DNMT1: variants seen among roughly 807,000 people sequenced by gnomAD.
DNMT1 encodes DNA methyltransferase 1.
A neutral mutation model predicts 205.3 loss-of-function variants in DNMT1; 24 were observed. That is an observed-to-expected ratio of 0.12 (90% CI 0.08 to 0.16). DNMT1 has a LOEUF of 0.16. DNMT1 is among the 10% of genes least tolerant of loss of function. DNMT1 has a pLI of 1.00. For missense variants in DNMT1, 1,293 were observed against 2,177.7 expected (o/e 0.59, Z 8.09); for synonymous variants, 817 against 839.8 (o/e 0.97, Z 0.47).
chr19:10,141,882 G>A, intron 30 of DNMT1, 146 bp downstream of exon 30: 3 of 914,976 alleles, frequency 3.3e-6, no homozygotes, highest in Non-Finnish European at 4.9e-6. Context: ...TAAAGCTCCT[G>A]CAGAACAGCT....
intron 1 of DNMT1, among the ~76,000 whole-genome samples, chr19:10,192,083 C>A (rs1442906342): frequency 6.6e-6 from 1 of 151,782 alleles, no homozygotes; most frequent in Admixed American, 6.6e-5. Flanking sequence ...CTCAGCCTCC[C>A]AAAGTGCTGG....
At chr19:10,139,121 G>C (rs2145262106) in intron 34 of DNMT1, among the ~76,000 whole-genome samples, 1 of 152,340 alleles carries the variant, frequency 6.6e-6, no homozygotes, top group South Asian at 2.1e-4. Flanking sequence ...TTGCTGAGCT[G>C]ATACAGAGAG....
chr19:10,156,278 C>A lies in DNMT1; in HGVS notation c.1399+113G>T. 1 of 860,104 alleles carries A rather than the reference C, an allele frequency of 1.2e-6. No individual in the cohort carries two copies. 53.3% of individuals were successfully genotyped at this position (860,104 alleles called of 1,614,324 possible). A position where few individuals can be genotyped will look rare whatever the true frequency, so the allele number is the denominator to read the frequency against. On this transcript the variant is annotated intron_variant, in intron 18 of 40. Coordinates refer to ENST00000359526, the MANE Select transcript of DNMT1 (RefSeq NM_001130823.3). The surrounding 1 kb of genome is among the most constrained non-coding windows in gnomAD (Gnocchi z 4.2). ...TCCAGGCTCGTCTCAAACTCCCGGG[C>A]TCAAGTGATCCTCTGGCCTCAGACC...
chr19:10,168,214 A>T, intron 10 of DNMT1, 116 bp downstream of exon 10: 2 of 1,203,828 alleles, frequency 1.7e-6, no homozygotes, highest in Non-Finnish European at 2.5e-6. Context: ...ACTTGCCCAC[A>T]TAAGAGACAT....
At position 10,177,351 on chromosome 19, in the gene DNMT1, G is replaced by T; in HGVS notation, c.510C>A (p.Ser170Arg). Residue 170 changes from serine to arginine, a missense_variant, in exon 6 of 41, where the codon AGC becomes AGA. This residue lies in a region of DNMT1 where 394 missense variants were observed against 451.6 expected (regional missense o/e 0.87). Coordinates refer to ENST00000359526, the MANE Select transcript of DNMT1 (RefSeq NM_001130823.3). ...TGGTGCTTTTCCTTGTAATCCTGGG[G>T]CTAGGTGAAGGTTCAGCTGTTTAAA... Reference protein sequence around the residue: ...VTGIRAEPSPSPRITRKSTRQ... With the variant: ...VTGIRAEPSPRPRITRKSTRQ... 1 of 1,613,798 alleles carries T rather than the reference G, an allele frequency of 6.2e-7. No individual in the cohort carries two copies.
chr19:10,156,585 C>T lies in DNMT1; in HGVS notation c.1281-76G>A, dbSNP rs576875855. 10 of 1,029,278 alleles carry T rather than the reference C, an allele frequency of 9.7e-6. No homozygotes were observed. Among genetic ancestry groups the T allele is most frequent in the African/African-American group, 9.4e-5 (6 of 63,498 alleles). 63.8% of individuals were successfully genotyped at this position (1,029,278 alleles called of 1,614,324 possible). ...CTTCGTGCAGACTTCAGATCAGGCACGAGGCAATGAGAGAATGTACAAGTC... is the reference window on the plus strand; with the variant it reads ...CTTCGTGCAGACTTCAGATCAGGCATGAGGCAATGAGAGAATGTACAAGTC... On this transcript the variant is annotated intron_variant, in intron 17 of 40. Transcript: ENST00000359526. The surrounding 1 kb of genome is among the most constrained non-coding windows in gnomAD (Gnocchi z 4.2).
Position 10,154,908 on chromosome 19 carries a change from G to T in DNMT1, c.1641C>A (p.Ile547=), listed in dbSNP as rs1239751171. 6.2e-7 allele frequency: 1 copy of T among 1,614,142 alleles called. No individual in the cohort carries two copies. Among genetic ancestry groups the T allele is most frequent in the Non-Finnish European group, 8.5e-7 (1 of 1,180,036 alleles). ...DSTYEDLINK[I]ETTVPPSGLN... ...CTGAGGACCCTCGATCTCTTACCTC[G>T]ATCTTGTTGATCAGGTCCTCATAGG... Residue 547 remains isoleucine, a synonymous_variant, in exon 20 of 41, where the codon ATC becomes ATA. Coordinates refer to ENST00000359526, the MANE Select transcript of DNMT1 (RefSeq NM_001130823.3). This position sits in a 1 kb window ranked among gnomAD's most constrained non-coding sequence, Gnocchi z 6.3.
chr19:10,177,008 T>C (rs974418748), intron 6 of DNMT1, among the ~76,000 whole-genome samples: 2 of 152,132 alleles, frequency 1.3e-5, no homozygotes, highest in Non-Finnish European at 2.9e-5. Flanking sequence ...TATGGGGGTA[T>C]AGATGAAACA....
intron 34 of DNMT1, 109 bp downstream of exon 34, chr19:10,139,567 G>A (rs908872262): frequency 5.9e-6 from 9 of 1,516,774 alleles, no homozygotes; most frequent in Non-Finnish European, 8.0e-6. Context: ...TCTGCTGCCT[G>A]GATGGCAGGC....
chr19:10,191,968 C>A (rs1440940559), intron 1 of DNMT1, among the ~76,000 whole-genome samples: 1 of 152,034 alleles, frequency 6.6e-6, no homozygotes, highest in African/African-American at 2.4e-5. Context: ...ATTACAGGCA[C>A]CTGCCACCAT....
At chr19:10,189,610 G>A (rs1048071355) in intron 1 of DNMT1, among the ~76,000 whole-genome samples, 1 of 151,030 alleles carries the variant, frequency 6.6e-6, no homozygotes, top group Non-Finnish European at 1.5e-5. Context: ...AGATGGGGGG[G>A]GTCTTCCTAT....
intron 9 of DNMT1, among the ~76,000 whole-genome samples, chr19:10,172,713 G>A (rs2038847744): frequency 6.6e-6 from 1 of 151,704 alleles, no homozygotes; most frequent in Non-Finnish European, 1.5e-5. Flanking sequence ...GACTCAAGAG[G>A]CTGGGACATG....
At chr19:10,190,765 A>AAAAAT (rs71188886) in intron 1 of DNMT1, among the ~76,000 whole-genome samples, 3,810 of 134,558 alleles carry the variant, frequency 0.028, 90 homozygotes, top group Non-Finnish European at 0.039. Flanking sequence ...ACTCTGTCTC[A>AAAAAT]AAAATAAAAT....
rs375976847 is a variant in DNMT1, at chr19:10,140,876, G to A, written c.3428C>T (p.Pro1143Leu). ...CTTGATCTCTATCTCTGGCTCGCTC[G>A]GCTCACAGGCTTGGGACTTGGGCTT... is the stretch of plus-strand genomic sequence containing the variant. ...KGKPKSQACEPSEPEIEIKLP... is the reference protein window; with the variant it reads ...KGKPKSQACELSEPEIEIKLP... The change falls in exon 32 of 41, where the codon CCG becomes CTG. Residue 1143 changes from proline (P) to leucine (L), a missense_variant. Pro to Leu is a moderately conservative substitution (Grantham distance 98). This residue lies in a region of DNMT1 where 167 missense variants were observed against 258.1 expected (regional missense o/e 0.65). Coordinates refer to ENST00000359526, the MANE Select transcript of DNMT1 (RefSeq NM_001130823.3). This position sits in a 1 kb window ranked among gnomAD's most constrained non-coding sequence, Gnocchi z 8.4. The A allele has an allele frequency of 1.7e-5, 27 of 1,614,028 alleles. No individual in the cohort carries two copies. The highest frequency in any genetic ancestry group is 1.4e-4 in the South Asian group (13 of 91,094).
In DNMT1 at chr19:10,160,020, T is replaced by C. The variant is rs2145321265; in HGVS notation, c.1087A>G (p.Lys363Glu). ...MARAKTVMNS[K>E]THPPKCIQCG... Reference sequence around the variant, plus strand: ...CTTTATTCCCGGCAGATGTTTACCTTGGAGTTCATGACTGTTTTGGCGCGA... The same window carrying C: ...CTTTATTCCCGGCAGATGTTTACCTCGGAGTTCATGACTGTTTTGGCGCGA... Residue 363 changes from lysine to glutamate, a missense_variant and splice_region_variant, in exon 15 of 41, where the codon AAG becomes GAG. By Grantham distance (56) the Lys-to-Glu change is moderately conservative (BLOSUM62 1). Coordinates refer to ENST00000359526, the MANE Select transcript of DNMT1 (RefSeq NM_001130823.3). The C allele has an allele frequency of 6.2e-7, 1 of 1,614,126 alleles. No homozygotes were observed. Among genetic ancestry groups the C allele is most frequent in the Non-Finnish European group, 8.5e-7 (1 of 1,180,028 alleles).
chr19:10,165,313 G>T (rs1167504787), intron 11 of DNMT1, among the ~76,000 whole-genome samples: 1 of 152,184 alleles, frequency 6.6e-6, no homozygotes, highest in African/African-American at 2.4e-5. Context: ...GGGAGGCAGA[G>T]ATGGCACCTC....
Position 10,139,833 on chromosome 19 carries a change from G to A in DNMT1, c.3807-16C>T. ...GTCGCAGTAGCTGTAGGGGGCAGGA[G>A]AGACTGCAGGAGTCACCTCCACAGA... On this transcript the variant is annotated splice_polypyrimidine_tract_variant and intron_variant, in intron 33 of 40. Transcript: ENST00000359526. 3.2e-6 allele frequency: 5 copies of A among 1,566,078 alleles called. No individual in the cohort carries two copies. The highest frequency in any genetic ancestry group is 4.3e-6 in the Non-Finnish European group (5 of 1,155,146).
At chr19:10,157,539 A>C (rs1162550635) in intron 17 of DNMT1, among the ~76,000 whole-genome samples, 1 of 152,174 alleles carries the variant, frequency 6.6e-6, no homozygotes, top group Non-Finnish European at 1.5e-5. Flanking sequence ...CATCTAGACA[A>C]GGACCACCCT....
Position 10,149,524 on chromosome 19 carries a change from T to C in DNMT1, c.2515A>G (p.Met839Val). The stretch of plus-strand genomic sequence containing the variant: ...TTGCTGTGGATATATGAAAGCTGCA[T>C]GTCCTCACATTCATCCACCAAGAAC... ...ELFLVDECEDMQLSYIHSKVK... is the reference protein window; with the variant it reads ...ELFLVDECEDVQLSYIHSKVK... Residue 839 changes from methionine to valine, a missense_variant, in exon 26 of 41, where the codon ATG (methionine) becomes GTG (valine). Met to Val is a conservative substitution (Grantham distance 21). Around this residue, in one of 13 missense-constraint regions of DNMT1, gnomAD observed 197 missense variants for 353.6 expected, o/e 0.56. Coordinates refer to ENST00000359526, the MANE Select transcript of DNMT1 (RefSeq NM_001130823.3). The C allele has an allele frequency of 6.2e-7, 1 of 1,613,902 alleles. No individual in the cohort carries two copies. The highest frequency in any genetic ancestry group is 8.5e-7 in the Non-Finnish European group (1 of 1,180,016).
Sources: gnomAD v4.1 joint callset for allele counts (sites outside exome capture counted in the v4.1 genomes callset) on GRCh38, gnomAD v4.1.1 for gene constraint, gnomAD v4.1.1 regional missense constraint, Gnocchi (gnomAD v3.1) non-coding constraint, MANE v1.5 for transcripts, NCBI Gene and HGNC (gene_info 2026-07-23, HGNC 2026-07-21) for gene names.